CHRNA3: variants seen among roughly 807,000 people sequenced by gnomAD.
CHRNA3 encodes cholinergic receptor nicotinic alpha 3 subunit.
Under a neutral mutation model 41.9 loss-of-function variants are expected in CHRNA3, and 34 were observed. The observed-to-expected ratio is 0.81, with a 90% CI of 0.62 to 1.08. The LOEUF is 1.08. CHRNA3 is among the 50% of genes least tolerant of loss of function. CHRNA3 has a pLI of 0.00. For missense variants in CHRNA3, 542 were observed against 638.3 expected (o/e 0.85, Z 1.63); for synonymous variants, 281 against 265.2 (o/e 1.06, Z -0.58).
chr15:78,595,508 C>CT lies in CHRNA3; in HGVS notation c.*1095_*1096insA, dbSNP rs1318602828. On this transcript the variant is annotated 3_prime_UTR_variant, in exon 6 of 6. Transcript: ENST00000326828. ...CTAAGGGAACATTTAACAATGGAGA[C>CT]ATTCTTGGTTATCATAACTGGTGAA... The CT allele has an allele frequency of 3.4e-6, 2 of 581,114 alleles. No individual in the cohort carries two copies. Among genetic ancestry groups the CT allele is most frequent in the East Asian group, 2.9e-4 (2 of 6,894 alleles). 36.0% of individuals were successfully genotyped at this position (581,114 alleles called of 1,614,324 possible). A position where few individuals can be genotyped will look rare whatever the true frequency, so the allele number is the denominator to read the frequency against.
chr15:78,608,378 C>T (rs891293976), intron 4 of CHRNA3, among the ~76,000 whole-genome samples: 6 of 152,284 alleles, frequency 3.9e-5, no homozygotes, highest in East Asian at 1.9e-4. Context: ...TCCAGAGGAA[C>T]GATCAGGCAG....
At position 78,612,586 on chromosome 15, in the gene CHRNA3, TA is replaced by T. The variant is rs200288582; in HGVS notation, c.377+4437del. On this transcript the variant is annotated intron_variant, in intron 4 of 5. Coordinates refer to ENST00000326828, the MANE Select transcript of CHRNA3 (RefSeq NM_000743.5). ...ATTAATTCAAGATGGATTAAAGACT[TA>T]ACATGTTAGACCTAAAACCATAAAA... Among the ~76,000 whole-genome samples, 273 of 105,888 alleles carry T rather than the reference TA, an allele frequency of 2.6e-3. 41 individuals carry two copies. Among genetic ancestry groups the T allele is most frequent in the African/African-American group, 7.4e-3 (172 of 23,332 alleles). The allele number at this position is 105,888 out of a possible 152,430, so 69.5% of individuals were successfully genotyped here.
downstream of CHRNA3, chr15:78,595,054 T>G (rs1348185768): frequency 6.6e-6 from 1 of 152,488 alleles, no homozygotes; most frequent in Non-Finnish European, 1.5e-5. Flanking sequence ...GTAACCTATC[T>G]AAGTTCAAGC....
intron 1 of CHRNA3, among the ~76,000 whole-genome samples, 153 bp downstream of exon 1, chr15:78,620,560 G>A (rs1255912947): frequency 6.6e-6 from 1 of 152,230 alleles, no homozygotes; most frequent in Non-Finnish European, 1.5e-5. Context: ...AGTCGCCGCC[G>A]GGCTGGAGCC....
intron 3 of CHRNA3, among the ~76,000 whole-genome samples, chr15:78,617,662 G>A (rs1254359558): frequency 1.3e-5 from 2 of 152,332 alleles, no homozygotes; most frequent in East Asian, 1.9e-4. Flanking sequence ...CCAGAGGAGA[G>A]AGGGGTGAGG....
At position 78,601,328 on chromosome 15, in the gene CHRNA3, T is replaced by G. The variant is rs201890422; in HGVS notation, c.1314A>C (p.Ser438=). The change falls in exon 5 of 6, where the codon TCA becomes TCC. Residue 438 remains serine (S), a synonymous_variant. Transcript: ENST00000326828. The part of the protein sequence containing the change: ...VDAVLSLSAL[S]PEIKEAIQSV... ...TTTGGATGGCTTCTTTGATTTCTGG[T>G]GACAAAGCAGAGAGGGACAGCACAG... 4 of 1,614,212 alleles carry G rather than the reference T, an allele frequency of 2.5e-6. No homozygotes were observed. The African/African-American group carries it at 5.3e-5, about 22-fold the overall frequency.
chr15:78,610,669 G>C (rs1321635889), intron 4 of CHRNA3, among the ~76,000 whole-genome samples: 2 of 151,338 alleles, frequency 1.3e-5, no homozygotes, highest in Middle Eastern at 3.2e-3. Context: ...AAAAGAACTA[G>C]AAAAGCAAGA....
In CHRNA3 at chr15:78,595,336, C is replaced by T; in HGVS notation, c.*1268G>A. The stretch of plus-strand genomic sequence containing the variant: ...CAATTCTGTCCATTTTATTTTTGCA[C>T]AGGAAAAACTAGTGAGACAAGATTC... On this transcript the variant is annotated 3_prime_UTR_variant, in exon 6 of 6. Transcript: ENST00000326828. 1 of 979,348 alleles carries T rather than the reference C, an allele frequency of 1.0e-6. No homozygotes were observed. The highest frequency in any genetic ancestry group is 4.8e-5 in the South Asian group (1 of 20,952). The allele number at this position is 979,348 out of a possible 1,614,324, so 60.7% of individuals were successfully genotyped here.
chr15:78,607,459 G>A (rs1156931707), intron 4 of CHRNA3: 1 of 144,804 alleles, frequency 6.9e-6, no homozygotes, highest in Non-Finnish European at 1.5e-5. Flanking sequence ...CCAGCACTTT[G>A]GGAGGCCGAG....
chr15:78,593,424 G>GACTGAAGTAATA, downstream of CHRNA3: 1 of 547,852 alleles, frequency 1.8e-6, no homozygotes, highest in South Asian at 3.9e-5. Context: ...TTGGCTGTAT[G>GACTGAAGTAATA]ACTGAAGTAA....
Position 78,618,610 on chromosome 15 carries a change from C to A in CHRNA3, c.267+7G>T. On this transcript the variant is annotated splice_region_variant and intron_variant, in intron 3 of 5. Transcript: ENST00000326828. ...GGGGCAGCAGTGCCTAGGGTCTGGT[C>A]ACTTACTTGCTTGAGCCACAGGTTG... 1 of 1,614,036 alleles carries A rather than the reference C, an allele frequency of 6.2e-7. No homozygotes were observed. The highest frequency in any genetic ancestry group is 1.1e-5 in the South Asian group (1 of 91,046).
In CHRNA3 at chr15:78,595,485, A is replaced by C. The variant is rs201534965; in HGVS notation, c.*1119T>G. 1.2e-6 allele frequency: 1 copy of C among 843,630 alleles called. No individual in the cohort carries two copies. Among genetic ancestry groups the C allele is most frequent in the Non-Finnish European group, 1.4e-6 (1 of 700,978 alleles). The allele number at this position is 843,630 out of a possible 1,614,324, so 52.3% of individuals were successfully genotyped here. ...CTCAACCAGGGGCAATTTTGCTCCT[A>C]AGGGAACATTTAACAATGGAGACAT... On this transcript the variant is annotated 3_prime_UTR_variant, in exon 6 of 6. Transcript: ENST00000326828.
chr15:78,596,192 A>G lies in CHRNA3; in HGVS notation c.*412T>C. Reference sequence around the variant, plus strand: ...ATGGGGGATTGCTGAATTAGTATAAACCTTCAAAGAGATTATGGGCTAAAT... The same window carrying G: ...ATGGGGGATTGCTGAATTAGTATAAGCCTTCAAAGAGATTATGGGCTAAAT... On this transcript the variant is annotated 3_prime_UTR_variant, in exon 6 of 6. Coordinates refer to ENST00000326828, the MANE Select transcript of CHRNA3 (RefSeq NM_000743.5). 9.1e-6 allele frequency: 9 copies of G among 986,336 alleles called. No homozygotes were observed. Among genetic ancestry groups the G allele is most frequent in the Admixed American group, 6.1e-5 (1 of 16,404 alleles). The allele number at this position is 986,336 out of a possible 1,614,324, so 61.1% of individuals were successfully genotyped here.
At chr15:78,598,072 C>G (rs2053140399) in intron 5 of CHRNA3, among the ~76,000 whole-genome samples, 1 of 152,146 alleles carries the variant, frequency 6.6e-6, no homozygotes, top group Non-Finnish European at 1.5e-5. Flanking sequence ...TCCTAAGGCT[C>G]TAGGAGGCAG....
At chr15:78,615,090 T>G (rs1045805366) in intron 4 of CHRNA3, among the ~76,000 whole-genome samples, 1 of 152,148 alleles carries the variant, frequency 6.6e-6, no homozygotes, top group African/African-American at 2.4e-5. Context: ...GGAAGTCTTT[T>G]TAGTCCTGGA....
intron 4 of CHRNA3, among the ~76,000 whole-genome samples, chr15:78,604,649 T>C (rs1335542610): frequency 3.3e-5 from 5 of 152,162 alleles, no homozygotes; most frequent in Non-Finnish European, 7.4e-5. Context: ...AGCTGGAGAC[T>C]GGGGTCTGGC....
At chr15:78,608,934 T>C (rs1417583418) in intron 4 of CHRNA3, among the ~76,000 whole-genome samples, 3 of 152,066 alleles carry the variant, frequency 2.0e-5, no homozygotes, top group Non-Finnish European at 2.9e-5. Flanking sequence ...ACGTGAAGAA[T>C]GCAGAAGCCT....
chr15:78,620,375 G>A (rs1215750734), intron 1 of CHRNA3: 3 of 338,450 alleles, frequency 8.9e-6, no homozygotes, highest in Non-Finnish European at 1.6e-5. Flanking sequence ...CAGTGCGCGG[G>A]GCAGGGCGAC....
At position 78,620,717 on chromosome 15, in the gene CHRNA3, C is replaced by T; in HGVS notation, c.78G>A (p.Leu26=). The T allele has an allele frequency of 6.8e-7, 1 of 1,479,668 alleles. No individual in the cohort carries two copies. Among genetic ancestry groups the T allele is most frequent in the Non-Finnish European group, 8.9e-7 (1 of 1,126,494 alleles). 91.7% of individuals were successfully genotyped at this position (1,479,668 alleles called of 1,614,324 possible). ...RLLLLLLLSL[L]PVARASEAEH... is the part of the protein sequence containing the mutation. The stretch of plus-strand genomic sequence containing the variant: ...CCCTAACGCCTGTGCGCGTACCTGG[C>T]AGCAGAGACAGCAGCAGCAGCAGCA... The change falls in exon 1 of 6, where the codon CTG becomes CTA. Residue 26 remains leucine, a synonymous_variant. Coordinates refer to ENST00000326828, the MANE Select transcript of CHRNA3 (RefSeq NM_000743.5).
Sources: allele counts gnomAD v4.1 joint callset (sites outside exome capture counted in the v4.1 genomes callset), GRCh38; gene constraint gnomAD v4.1.1; transcripts MANE v1.5; gene names NCBI Gene and HGNC (gene_info 2026-07-23, HGNC 2026-07-21).